Variants in FAIM2 observed in about 807,000 individuals in gnomAD.
The protein encoded by FAIM2 is protein lifeguard 2.
In FAIM2, 27 loss-of-function variants were observed where a neutral mutation model predicts 47.4. The ratio of observed to expected loss-of-function variants is 0.57; its 90% CI spans 0.42 to 0.78. FAIM2 has a LOEUF of 0.78. FAIM2 is among the 30% of genes least tolerant of loss of function. The pLI is 0.00. For missense variants in FAIM2, 311 were observed against 389.4 expected (o/e 0.80, Z 1.69); for synonymous variants, 156 against 159.3 (o/e 0.98, Z 0.16).
intron 11 of FAIM2, among the ~76,000 whole-genome samples, chr12:49,879,701 T>TATGA (rs1555158291): frequency 4.2e-5 from 1 of 23,708 alleles, no homozygotes; most frequent in Non-Finnish European, 8.2e-5. Flanking sequence ...TCTGTGTGCA[T>TATGA]GTGTGTGTGT....
intron 11 of FAIM2, among the ~76,000 whole-genome samples, chr12:49,885,084 AGATGCGGGGAGGTAACAG>A (rs1367433290): frequency 2.0e-5 from 3 of 152,236 alleles, no homozygotes; most frequent in African/African-American, 7.2e-5. Flanking sequence ...ACTGTGGTGG[AGATGCGGGGAGGTAACAG>A]GTGTGAAAGT....
intron 5 of FAIM2, among the ~76,000 whole-genome samples, chr12:49,896,147 C>T (rs917892223): frequency 1.3e-5 from 2 of 152,314 alleles, no homozygotes; most frequent in East Asian, 3.9e-4. Flanking sequence ...CTACCTTGGG[C>T]CACCCAATAA....
intron 2 of FAIM2, chr12:49,900,114 G>T: frequency 1.1e-6 from 1 of 934,756 alleles, no homozygotes; most frequent in Non-Finnish European, 1.5e-6. Flanking sequence ...GTGGGCCGGC[G>T]GGTGTGTAGG....
chr12:49,888,826 C>T (rs1946879051), intron 10 of FAIM2, among the ~76,000 whole-genome samples: 1 of 152,246 alleles, frequency 6.6e-6, no homozygotes, highest in South Asian at 2.1e-4. Flanking sequence ...GCTCCACACC[C>T]TACCCTCAAT....
chr12:49,882,869 C>T (rs1403921171), intron 11 of FAIM2, among the ~76,000 whole-genome samples: 2 of 152,148 alleles, frequency 1.3e-5, no homozygotes, highest in Non-Finnish European at 2.9e-5. Context: ...CAATCCCTGT[C>T]CTTAAGGAAC....
rs181380716 is a variant in FAIM2, at chr12:49,896,419, T to C, written c.434+612A>G. Among the ~76,000 whole-genome samples the C allele has an allele frequency of 2.4e-3, 368 of 152,298 alleles. 2 individuals carry two copies. The highest frequency in any genetic ancestry group is 8.4e-3 in the African/African-American group (350 of 41,572). Reference sequence around the variant, plus strand: ...GGCTGCAGGGAGCCTGCCAAGTAGATGGATTAAGAGCACAAGCCTTAACCT... The same window carrying C: ...GGCTGCAGGGAGCCTGCCAAGTAGACGGATTAAGAGCACAAGCCTTAACCT... On this transcript the variant is annotated intron_variant, in intron 5 of 11. Transcript: ENST00000320634.
At chr12:49,875,544 C>T (rs376867181) in intron 11 of FAIM2, among the ~76,000 whole-genome samples, 2 of 152,150 alleles carry the variant, frequency 1.3e-5, no homozygotes, top group Non-Finnish European at 2.9e-5. Context: ...ATTTAGATGG[C>T]ACAGACAACA....
chr12:49,887,318 G>A (rs1435313321), intron 11 of FAIM2, 68 bp downstream of exon 11: 3 of 1,406,304 alleles, frequency 2.1e-6, no homozygotes, highest in Non-Finnish European at 3.0e-6. Flanking sequence ...AAGATGGGAG[G>A]AGAAGGGGAC....
chr12:49,890,297 G>A (rs1946891484), intron 7 of FAIM2, 143 bp from the exon 8 acceptor site: 1 of 744,178 alleles, frequency 1.3e-6, no homozygotes, highest in Non-Finnish European at 2.3e-6. Context: ...CTGACTTTCG[G>A]GAGTCAGGCC....
chr12:49,898,007 G>T lies in FAIM2; in HGVS notation c.295C>A (p.Arg99Ser). 1 of 1,613,724 alleles carries T rather than the reference G, an allele frequency of 6.2e-7. No homozygotes were observed. The highest frequency in any genetic ancestry group is 8.5e-7 in the Non-Finnish European group (1 of 1,179,712). ...TTFSWDDQKV[R>S]RVFVRKVYTI... ...ATTACCTTTCTGACAAAGACTCGAC[G>T]AACTTTCTGGTCATCCCAGCTGAAA... is the stretch of plus-strand genomic sequence containing the variant. Residue 99 changes from arginine (R) to serine (S), a missense_variant, in exon 3 of 12, where the codon CGT (arginine) becomes AGT (serine). Physicochemically the swap from Arg to Ser is moderately radical, Grantham distance 110. Transcript: ENST00000320634.
In FAIM2 at chr12:49,897,570, AG is replaced by A; in HGVS notation, c.328del (p.Leu110CysfsTer2). On this transcript the variant is annotated frameshift_variant, in exon 4 of 12. Transcript: ENST00000320634. LOFTEE classifies it high-confidence loss of function. ...CAAGGTCACCAGCAGCTGAATCAGC[AG>A]GATGGTGTAGACCTGGGGGTGGGAG... The part of the protein sequence containing the change: ...RVFVRKVYTI[L>X]LIQLLVTLAV... The A allele has an allele frequency of 1.9e-6, 3 of 1,613,978 alleles. No homozygotes were observed. Among genetic ancestry groups the A allele is most frequent in the Non-Finnish European group, 2.5e-6 (3 of 1,179,908 alleles).
chr12:49,895,458 C>T (rs1252053088), intron 5 of FAIM2, among the ~76,000 whole-genome samples: 1 of 152,194 alleles, frequency 6.6e-6, no homozygotes, highest in African/African-American at 2.4e-5. Flanking sequence ...AGAGAGGGGC[C>T]TAAGAATCCC....
At chr12:49,897,473 G>T (rs750393588) in intron 4 of FAIM2, 46 bp downstream of exon 4, 1 of 1,570,224 alleles carries the variant, frequency 6.4e-7, no homozygotes, top group South Asian at 1.1e-5. Flanking sequence ...CTCCAGGCCT[G>T]GCCATAGTCA....
In FAIM2 at chr12:49,870,418, A is replaced by T. The variant is rs1380364830; in HGVS notation, c.*86T>A. 2.3e-6 allele frequency: 3 copies of T among 1,293,910 alleles called. No individual in the cohort carries two copies. Among genetic ancestry groups the T allele is most frequent in the Non-Finnish European group, 3.3e-6 (3 of 913,556 alleles). 80.2% of individuals were successfully genotyped at this position (1,293,910 alleles called of 1,614,324 possible). The stretch of plus-strand genomic sequence containing the variant: ...ACAGGCTGGGTTGGCAGCTAGTTTT[A>T]TATCTGGTCTCGCAGGAGCGCAGGG... On this transcript the variant is annotated 3_prime_UTR_variant, in exon 12 of 12. Coordinates refer to ENST00000320634, the MANE Select transcript of FAIM2 (RefSeq NM_012306.4).
At chr12:49,890,782 TG>T in intron 6 of FAIM2, 60 bp from the exon 7 acceptor site, 1 of 1,470,516 alleles carries the variant, frequency 6.8e-7, no homozygotes, top group Non-Finnish European at 9.5e-7. Context: ...GGACCCAGGC[TG>T]TGACACTGTT....
chr12:49,889,254 C>G, intron 9 of FAIM2, 52 bp from the exon 10 acceptor site: 2 of 1,424,160 alleles, frequency 1.4e-6, no homozygotes, highest in Admixed American at 1.9e-5. Flanking sequence ...CTTCCTGGGG[C>G]CCCAACTACA....
intron 11 of FAIM2, among the ~76,000 whole-genome samples, chr12:49,872,347 GC>G (rs1946708717): frequency 6.6e-6 from 1 of 152,206 alleles, no homozygotes; most frequent in Admixed American, 6.5e-5. Flanking sequence ...AGCCTGGGAG[GC>G]CTGACTGGTG....
At chr12:49,894,757 T>C (rs1269646598) in intron 5 of FAIM2, among the ~76,000 whole-genome samples, 1 of 152,222 alleles carries the variant, frequency 6.6e-6, no homozygotes, top group Non-Finnish European at 1.5e-5. Flanking sequence ...CCTGGATTTC[T>C]ACCCTGGTTA....
At chr12:49,896,256 G>T (rs551748050) in intron 5 of FAIM2, among the ~76,000 whole-genome samples, 1 of 152,298 alleles carries the variant, frequency 6.6e-6, no homozygotes, top group Admixed American at 6.5e-5. Context: ...GATGGTTCTG[G>T]TCTGGAGATA....
Sources: allele counts gnomAD v4.1 joint callset (sites outside exome capture counted in the v4.1 genomes callset), GRCh38; gene constraint gnomAD v4.1.1; transcripts MANE v1.5; gene names NCBI Gene and HGNC (gene_info 2026-07-23, HGNC 2026-07-21).